CFAP77: variants seen among roughly 807,000 people sequenced by gnomAD.
CFAP77 encodes the protein cilia and flagella associated protein 77.
Under a neutral mutation model 31.1 loss-of-function variants are expected in CFAP77, and 25 were observed. The ratio of observed to expected loss-of-function variants is 0.80; its 90% CI spans 0.59 to 1.12. CFAP77 has a LOEUF of 1.12. CFAP77 is among the 50% of genes most tolerant of loss of function. The probability of loss-of-function intolerance (pLI) is 0.00; values close to 1 mark genes in which losing one functional copy is unlikely to be tolerated. For synonymous variants in CFAP77, 151 were observed against 159.9 expected, an observed-to-expected ratio of 0.94 and a Z score of 0.42; for missense variants, 377 against 397.3, an observed-to-expected ratio of 0.95 and a Z score of 0.44.
In CFAP77 at chr9:132,566,403, G is replaced by A. The variant is rs537168553; in HGVS notation, c.733-5985G>A. ...GACAACGATGGTGCCGGCCTCCTCC[G>A]GGCGTTCCAAGGCTTGTGTGAAATA... On this transcript the variant is annotated intron_variant, in intron 5 of 5. Coordinates refer to ENST00000393216, the MANE Select transcript of CFAP77 (RefSeq NM_001282957.2). Among the ~76,000 whole-genome samples the A allele has an allele frequency of 1.2e-4, 19 of 152,256 alleles. 1 individual carries two copies. The highest frequency in any genetic ancestry group is 2.1e-4 in the South Asian group (1 of 4,820).
Position 132,495,116 on chromosome 9 carries a change from G to A in CFAP77, c.196-3579G>A, listed in dbSNP as rs1363374529. On this transcript the variant is annotated intron_variant, in intron 1 of 5. Coordinates refer to ENST00000393216, the MANE Select transcript of CFAP77 (RefSeq NM_001282957.2). This position sits in a 1 kb window ranked among gnomAD's most constrained non-coding sequence, Gnocchi z 4.2. The stretch of plus-strand genomic sequence containing the variant: ...TCACCCTAGAACTTCCAGCACAGAG[G>A]GCTTAGCGCTGAGTGGGTACAAAAT... 6.6e-6 allele frequency among the ~76,000 whole-genome samples: 1 copy of A among 152,156 alleles called. No individual in the cohort carries two copies. The highest frequency in any genetic ancestry group is 1.5e-5 in the Non-Finnish European group (1 of 68,032).
At chr9:132,555,170 C>T (rs925580881) in intron 5 of CFAP77, among the ~76,000 whole-genome samples, 1 of 152,226 alleles carries the variant, frequency 6.6e-6, no homozygotes, top group Non-Finnish European at 1.5e-5. Flanking sequence ...GCTGAGGACA[C>T]TTAGCTCTAA....
At chr9:132,445,977 G>T (rs1850704807) in intron 1 of CFAP77, among the ~76,000 whole-genome samples, 1 of 152,062 alleles carries the variant, frequency 6.6e-6, no homozygotes, top group South Asian at 2.1e-4. Context: ...TTCCAACTGG[G>T]CAGGGTGCAT....
Position 132,554,675 on chromosome 9 carries a change from A to G in CFAP77, c.732+11628A>G, listed in dbSNP as rs1852870687. On this transcript the variant is annotated intron_variant, in intron 5 of 5. Transcript: ENST00000393216. The surrounding 1 kb of genome is among the most constrained non-coding windows in gnomAD (Gnocchi z 4.1). ...TTTCACCTTGCGTGCAATCCGCCAG[A>G]TACCTTCAAATCACTTGGAAGGAGA... is the stretch of plus-strand genomic sequence containing the variant. 6.6e-6 allele frequency among the ~76,000 whole-genome samples: 1 copy of G among 152,236 alleles called. No individual in the cohort carries two copies. The highest frequency in any genetic ancestry group is 2.1e-4 in the South Asian group (1 of 4,836).
intron 1 of CFAP77, among the ~76,000 whole-genome samples, chr9:132,438,537 A>AT (rs1181262639): frequency 5.2e-5 from 6 of 116,208 alleles, no homozygotes; most frequent in Non-Finnish European, 8.4e-5. Context: ...ATATATATAT[A>AT]TATATTTTTT....
chr9:132,466,262 A>G (rs1404232547), intron 1 of CFAP77, among the ~76,000 whole-genome samples: 1 of 152,138 alleles, frequency 6.6e-6, no homozygotes, highest in African/African-American at 2.4e-5. Context: ...ATGCCCCTTG[A>G]TGATTCTAGA....
intron 5 of CFAP77, among the ~76,000 whole-genome samples, chr9:132,546,351 G>A (rs189691839): frequency 0.02 from 3,109 of 152,218 alleles, 97 homozygotes; most frequent in Non-Finnish European, 0.025. Flanking sequence ...CTTTGTCTGC[G>A]CCTGGCTTTG....
chr9:132,567,799 T>A (rs1829903363), intron 5 of CFAP77, among the ~76,000 whole-genome samples: 2 of 152,190 alleles, frequency 1.3e-5, no homozygotes, highest in African/African-American at 2.4e-5. Context: ...CGATGCTCCT[T>A]GGTTGTGGCC....
At chr9:132,488,016 AT>A (rs1345469675) in intron 1 of CFAP77, among the ~76,000 whole-genome samples, 3 of 152,186 alleles carry the variant, frequency 2.0e-5, no homozygotes, top group African/African-American at 7.2e-5. Context: ...GGGTCTAGCT[AT>A]ATACAGATAT....
chr9:132,525,975 C>A (rs1314537800), intron 3 of CFAP77, among the ~76,000 whole-genome samples: 1 of 152,146 alleles, frequency 6.6e-6, no homozygotes, highest in Non-Finnish European at 1.5e-5. Flanking sequence ...CTTGTCTTTT[C>A]ATCCTCTCCT....
chr9:132,522,823 G>C (rs1218380868), intron 3 of CFAP77, among the ~76,000 whole-genome samples: 1 of 151,658 alleles, frequency 6.6e-6, no homozygotes, highest in Non-Finnish European at 1.5e-5. Context: ...GTTCGGTGTG[G>C]ACCTGTGCAT....
chr9:132,544,759 G>A (rs1852707058), intron 5 of CFAP77, among the ~76,000 whole-genome samples: 3 of 152,114 alleles, frequency 2.0e-5, no homozygotes, highest in African/African-American at 7.2e-5. Context: ...ACCTCCCAAA[G>A]TGCTGGGATT....
intron 5 of CFAP77, among the ~76,000 whole-genome samples, chr9:132,546,552 G>A (rs879588488): frequency 5.3e-5 from 8 of 152,250 alleles, no homozygotes; most frequent in Admixed American, 5.2e-4. Flanking sequence ...CGCGGCTGCT[G>A]CACCGACACC....
chr9:132,433,748 A>T (rs1850454586), intron 1 of CFAP77, among the ~76,000 whole-genome samples: 1 of 151,880 alleles, frequency 6.6e-6, no homozygotes, highest in South Asian at 2.1e-4. Flanking sequence ...GGGTTTCACC[A>T]TGTCGGCCAG....
rs564972150 is a variant in CFAP77, at chr9:132,455,735, A to G, written c.196-42960A>G. Among the ~76,000 whole-genome samples, 2 of 152,122 alleles carry G rather than the reference A, an allele frequency of 1.3e-5. No homozygotes were observed. Among genetic ancestry groups the G allele is most frequent in the East Asian group, 3.9e-4 (2 of 5,180 alleles). ...GACAGAGCAAGACTGTCTCAAAAAC[A>G]AAACAAAACAAAAAAGCAAAACGAA... On this transcript the variant is annotated intron_variant, in intron 1 of 5. Transcript: ENST00000393216. This position sits in a 1 kb window ranked among gnomAD's most constrained non-coding sequence, Gnocchi z 4.1.
At chr9:132,519,562 GGATGGATGGATA>G (rs1273679061) in intron 3 of CFAP77, among the ~76,000 whole-genome samples, 1 of 138,260 alleles carries the variant, frequency 7.2e-6, no homozygotes, top group African/African-American at 2.7e-5. Flanking sequence ...ATGAATGGAT[GGATGGATGGATA>G]GATGGATGGA....
At chr9:132,529,980 T>C (rs1238813181) in intron 3 of CFAP77, among the ~76,000 whole-genome samples, 6 of 152,170 alleles carry the variant, frequency 3.9e-5, no homozygotes, top group African/African-American at 1.4e-4. Context: ...TTATTTTAGC[T>C]GTACTAATGG....
intron 3 of CFAP77, among the ~76,000 whole-genome samples, chr9:132,505,617 A>ATT (rs1851919058): frequency 1.3e-5 from 2 of 152,072 alleles, no homozygotes; most frequent in African/African-American, 4.8e-5. Flanking sequence ...GAGTTGCCAC[A>ATT]TTTTTAAAAA....
chr9:132,557,143 TG>T (rs1257962376), intron 5 of CFAP77, among the ~76,000 whole-genome samples: 1 of 151,840 alleles, frequency 6.6e-6, no homozygotes, highest in Admixed American at 6.6e-5. Context: ...GTGTGCAGGG[TG>T]TGTGTTGGGT....
Sources: allele counts gnomAD v4.1 joint callset (sites outside exome capture counted in the v4.1 genomes callset), GRCh38; gene constraint gnomAD v4.1.1; non-coding constraint Gnocchi (gnomAD v3.1); transcripts MANE v1.5; gene names NCBI Gene and HGNC (gene_info 2026-07-23, HGNC 2026-07-21).